The following NAA25 variants were observed in gnomAD, a reference collection of about 807,000 sequenced individuals.
NAA25 encodes N-alpha-acetyltransferase 25, NatB auxiliary subunit, also known as N-terminal acetyltransferase B complex subunit NAA25.
A neutral mutation model predicts 132.5 loss-of-function variants in NAA25; 30 were observed. That is an observed-to-expected ratio of 0.23 (90% CI 0.17 to 0.31). NAA25 has a LOEUF of 0.31. Among genes scored for constraint, NAA25 ranks in the 10% least tolerant of loss-of-function variants. NAA25 has a pLI of 1.00. For missense variants in NAA25, 771 were observed against 1,150.4 expected, an observed-to-expected ratio of 0.67 and a Z score of 4.77; for synonymous variants, 359 against 401.9, an observed-to-expected ratio of 0.89 and a Z score of 1.28.
At chr12:112,082,005 C>G (rs1008555090) in intron 4 of NAA25, among the ~76,000 whole-genome samples, 6 of 152,184 alleles carry the variant, frequency 3.9e-5, no homozygotes, top group African/African-American at 1.4e-4. Context: ...AATCCCATCA[C>G]TTTGGGAGGC....
chr12:112,091,074 C>A (rs1593828220), intron 2 of NAA25, among the ~76,000 whole-genome samples: 1 of 151,894 alleles, frequency 6.6e-6, no homozygotes, highest in Non-Finnish European at 1.5e-5. Flanking sequence ...TCAAGACCAG[C>A]CTGGGCAACG....
rs768297754 is a variant in NAA25 at position 112,043,191 on chromosome 12, T to C, written c.2271A>G (p.Val757=). The change falls in exon 19 of 24, where the codon GTA becomes GTG. Residue 757 remains valine (V), a synonymous_variant. Coordinates refer to ENST00000261745, the MANE Select transcript of NAA25 (RefSeq NM_024953.4). The part of the protein sequence containing the change: ...KDIQYPFLGP[V]PTRMGGFFNS... ...TAAAGAATCCACCCATTCTGGTAGG[T>C]ACAGGACCAAGGAAAGGATACTGGA... 8 of 1,605,394 alleles carry C rather than the reference T, an allele frequency of 5.0e-6. No homozygotes were observed. Among genetic ancestry groups the C allele is most frequent in the South Asian group, 4.5e-5 (4 of 89,868 alleles).
chr12:112,043,291 A>C (rs1459714326), intron 18 of NAA25, 80 bp from the exon 19 acceptor site: 2 of 1,435,242 alleles, frequency 1.4e-6, no homozygotes, highest in African/African-American at 1.4e-5. Flanking sequence ...TAACTAGTAG[A>C]TAAAAACCTG....
Position 112,028,634 on chromosome 12 carries a change from A to G in NAA25, c.*897T>C, listed in dbSNP as rs913268033. The G allele has an allele frequency of 5.3e-5, 8 of 151,710 alleles. No individual in the cohort carries two copies. The highest frequency in any genetic ancestry group is 7.4e-5 in the Non-Finnish European group (5 of 67,898). The allele number at this position is 151,710 out of a possible 1,614,324, so 9.4% of individuals were successfully genotyped here. On this transcript the variant is annotated 3_prime_UTR_variant, in exon 24 of 24. Coordinates refer to ENST00000261745, the MANE Select transcript of NAA25 (RefSeq NM_024953.4). ...ATTTTCAAGTCATATATATATGTGT[A>G]TATATATATATGTATATATATGACT... is the stretch of plus-strand genomic sequence containing the variant.
intron 13 of NAA25, among the ~76,000 whole-genome samples, chr12:112,055,575 C>G (rs534460048): frequency 6.6e-6 from 1 of 152,176 alleles, no homozygotes; most frequent in Non-Finnish European, 1.5e-5. Context: ...GTGGTGCACA[C>G]TGCCTATGGT....
intron 11 of NAA25, among the ~76,000 whole-genome samples, chr12:112,065,001 T>C (rs919450958): frequency 6.6e-6 from 1 of 151,968 alleles, no homozygotes; most frequent in East Asian, 1.9e-4. Flanking sequence ...GCCATTGCAC[T>C]CTAGCCTGGG....
rs566329894 is a variant in NAA25 at position 112,108,602 on chromosome 12, C to T, written c.58+114G>A. 5.5e-4 allele frequency: 623 copies of T among 1,139,976 alleles called. 4 individuals are homozygous for T. The African/African-American group carries it at 9.3e-3, about 17-fold the overall frequency. The allele number at this position is 1,139,976 out of a possible 1,614,324, so 70.6% of individuals were successfully genotyped here. On this transcript the variant is annotated intron_variant, in intron 1 of 23. Transcript: ENST00000261745. ...CCTAGTGGCCCGCGCGGCCCGCCCC[C>T]CTGCGCCTGCCCGGCCCGCGCGCCG...
chr12:112,067,399 G>A (rs1274927302), intron 11 of NAA25, among the ~76,000 whole-genome samples: 1 of 152,146 alleles, frequency 6.6e-6, no homozygotes, highest in Non-Finnish European at 1.5e-5. Flanking sequence ...TCAACAGTAG[G>A]GAACACTTGT....
intron 17 of NAA25, among the ~76,000 whole-genome samples, chr12:112,047,447 G>A (rs1401548266): frequency 6.6e-6 from 1 of 151,936 alleles, no homozygotes; most frequent in Non-Finnish European, 1.5e-5. Flanking sequence ...GGCCAGGATG[G>A]TCTCGAACTC....
chr12:112,047,794 T>G lies in NAA25; in HGVS notation c.1881-4A>C, dbSNP rs766662937. The G allele has an allele frequency of 1.9e-6, 3 of 1,591,804 alleles. No individual in the cohort carries two copies. In the South Asian group the frequency reaches 3.5e-5, roughly 19 times the overall value. On this transcript the variant is annotated splice_region_variant and splice_polypyrimidine_tract_variant and intron_variant, in intron 16 of 23. Coordinates refer to ENST00000261745, the MANE Select transcript of NAA25 (RefSeq NM_024953.4). ...ACTTTCTGCTAAACTGGTTGATCTGTGATAGAGAAAAATCCACATATTATT... is the reference window on the plus strand; with the variant it reads ...ACTTTCTGCTAAACTGGTTGATCTGGGATAGAGAAAAATCCACATATTATT...
chr12:112,034,872 G>T (rs1015596246), intron 22 of NAA25: 1 of 151,136 alleles, frequency 6.6e-6, no homozygotes, highest in African/African-American at 2.4e-5. Flanking sequence ...TTGTGAATCT[G>T]TCTGTATCAA....
In NAA25 at chr12:112,044,094, ATTTT is replaced by A. The variant is rs1196820852; in HGVS notation, c.2007-230_2007-227del. Among the ~76,000 whole-genome samples, 3 of 147,798 alleles carry A rather than the reference ATTTT, an allele frequency of 2.0e-5. No individual in the cohort carries two copies. The South Asian group carries it at 6.4e-4, about 32-fold the overall frequency. On this transcript the variant is annotated intron_variant, in intron 17 of 23. Coordinates refer to ENST00000261745, the MANE Select transcript of NAA25 (RefSeq NM_024953.4). ...AGGCGCCTGCCACCACGCCCGGCTA[ATTTT>A]TTTTTTGTATTTTTAGTAGAGACGG...
intron 1 of NAA25, among the ~76,000 whole-genome samples, chr12:112,095,870 T>C (rs1399988725): frequency 1.3e-5 from 2 of 152,172 alleles, no homozygotes; most frequent in Admixed American, 6.5e-5. Flanking sequence ...TTTAGGGCAC[T>C]GAAACATTCT....
At chr12:112,056,233 C>G (rs908014472) in intron 13 of NAA25, among the ~76,000 whole-genome samples, 4 of 152,030 alleles carry the variant, frequency 2.6e-5, no homozygotes, top group African/African-American at 9.7e-5. Flanking sequence ...ACTCAGGAGG[C>G]TGAGGCAGAA....
intron 1 of NAA25, among the ~76,000 whole-genome samples, chr12:112,100,780 C>A (rs951296405): frequency 6.6e-6 from 1 of 151,800 alleles, no homozygotes; most frequent in Non-Finnish European, 1.5e-5. Context: ...CCATCACGCC[C>A]GGAGAATTTT....
intron 1 of NAA25, among the ~76,000 whole-genome samples, chr12:112,095,622 A>AC (rs1566033866): frequency 1.3e-5 from 2 of 150,972 alleles, no homozygotes; most frequent in African/African-American, 4.9e-5. Context: ...AAACAAACAA[A>AC]AAAAAAAAAA....
intron 1 of NAA25, among the ~76,000 whole-genome samples, chr12:112,103,250 G>A (rs1051067740): frequency 6.6e-6 from 1 of 152,172 alleles, no homozygotes; most frequent in East Asian, 1.9e-4. Flanking sequence ...GCCTCCCAAA[G>A]TGCTGGGATT....
chr12:112,056,066 G>A (rs531672213), intron 13 of NAA25, among the ~76,000 whole-genome samples: 1 of 152,242 alleles, frequency 6.6e-6, no homozygotes, highest in African/African-American at 2.4e-5. Flanking sequence ...TGGGCACAGT[G>A]GCTCACACCT....
At chr12:112,032,340 C>A (rs2078161227) in intron 23 of NAA25, among the ~76,000 whole-genome samples, 1 of 152,124 alleles carries the variant, frequency 6.6e-6, no homozygotes, top group African/African-American at 2.4e-5. Flanking sequence ...GCACTCTGTT[C>A]AAAGTCTAAC....
Sources: gnomAD v4.1 joint callset for allele counts (sites outside exome capture counted in the v4.1 genomes callset) on GRCh38, gnomAD v4.1.1 for gene constraint, MANE v1.5 for transcripts, NCBI Gene and HGNC (gene_info 2026-07-23, HGNC 2026-07-21) for gene names.